Variants in AGBL4 observed in about 807,000 individuals in gnomAD.
The protein encoded by AGBL4 is AGBL carboxypeptidase 4, also known as cytosolic carboxypeptidase 6.
In AGBL4, 58 loss-of-function variants were observed where a neutral mutation model predicts 66.4. The ratio of observed to expected loss-of-function variants is 0.87; its 90% confidence interval spans 0.71 to 1.09. The LOEUF (loss-of-function observed/expected upper bound fraction) is 1.09. AGBL4 is among the 50% of genes least tolerant of loss of function. AGBL4 has a pLI of 0.00. For missense variants in AGBL4, 579 were observed against 631.0 expected, an observed-to-expected ratio of 0.92 and a Z score of 0.88; for synonymous variants, 234 against 222.9, an observed-to-expected ratio of 1.05 and a Z score of -0.44.
intron 6 of AGBL4, among the ~76,000 whole-genome samples, chr1:48,735,242 G>A (rs1454709887): frequency 6.6e-6 from 1 of 152,182 alleles, no homozygotes; most frequent in African/African-American, 2.4e-5. Context: ...TGTCTCTATA[G>A]TTTGTGTTTT....
chr1:48,830,519 C>T (rs771274383), intron 6 of AGBL4, among the ~76,000 whole-genome samples: 2 of 152,162 alleles, frequency 1.3e-5, no homozygotes, highest in African/African-American at 4.8e-5. Context: ...GGGACCAATT[C>T]CCCCGATTTT....
intron 1 of AGBL4, among the ~76,000 whole-genome samples, chr1:49,858,109 T>A (rs1447513025): frequency 6.6e-6 from 1 of 151,690 alleles, no homozygotes; most frequent in East Asian, 1.9e-4. Context: ...CCAAAACATA[T>A]GAAAAAATGC....
chr1:49,070,357 T>A (rs1404377734), intron 4 of AGBL4, among the ~76,000 whole-genome samples: 2 of 151,938 alleles, frequency 1.3e-5, no homozygotes, highest in Non-Finnish European at 2.9e-5. Flanking sequence ...AGTATGATAG[T>A]GCCTGTGGGT....
At chr1:49,015,966 T>C (rs1662790916) in intron 5 of AGBL4, among the ~76,000 whole-genome samples, 1 of 152,156 alleles carries the variant, frequency 6.6e-6, no homozygotes, top group African/African-American at 2.4e-5. Flanking sequence ...AAGTCACATA[T>C]GCCTTCAAGC....
chr1:50,005,532 C>T (rs1661061615), intron 1 of AGBL4, among the ~76,000 whole-genome samples: 1 of 152,090 alleles, frequency 6.6e-6, no homozygotes, highest in African/African-American at 2.4e-5. Context: ...CAAAGAAGGA[C>T]AAGAATAAAC....
At chr1:49,015,040 C>T (rs540755391) in intron 5 of AGBL4, among the ~76,000 whole-genome samples, 90 of 152,286 alleles carry the variant, frequency 5.9e-4, no homozygotes, top group Non-Finnish European at 1.1e-3. Context: ...CTCATAGTCT[C>T]ACTGATGATC....
chr1:48,650,870 A>G (rs1645918561), intron 8 of AGBL4, among the ~76,000 whole-genome samples: 1 of 152,178 alleles, frequency 6.6e-6, no homozygotes, highest in African/African-American at 2.4e-5. Flanking sequence ...CGTATGAATA[A>G]AAGAACATGT....
At chr1:49,389,497 C>G (rs1644803519) in intron 3 of AGBL4, among the ~76,000 whole-genome samples, 1 of 152,128 alleles carries the variant, frequency 6.6e-6, no homozygotes, top group Non-Finnish European at 1.5e-5. Flanking sequence ...AGCTGATAAA[C>G]AGTAGAGCTA....
At chr1:49,793,044 C>T (rs1392236282) in intron 2 of AGBL4, among the ~76,000 whole-genome samples, 6 of 151,832 alleles carry the variant, frequency 4.0e-5, no homozygotes, top group African/African-American at 1.5e-4. Context: ...AAATGACTAC[C>T]ACCTAACCAA....
At chr1:49,738,753 C>G (rs1650132491) in intron 2 of AGBL4, among the ~76,000 whole-genome samples, 1 of 152,190 alleles carries the variant, frequency 6.6e-6, no homozygotes, top group Admixed American at 6.5e-5. Flanking sequence ...TCACCAATAT[C>G]TGCTGTTCTG....
In AGBL4 at chr1:49,648,117, T is replaced by C. The variant is rs148763980; in HGVS notation, c.282+49196A>G. Among the ~76,000 whole-genome samples, 548 of 152,060 alleles carry C rather than the reference T, an allele frequency of 3.6e-3. 5 individuals carry two copies. The highest frequency in any genetic ancestry group is 2.0e-3 in the Non-Finnish European group (138 of 67,966). On this transcript the variant is annotated intron_variant, in intron 3 of 13. Coordinates refer to ENST00000371839, the MANE Select transcript of AGBL4 (RefSeq NM_032785.4). ...ATGTTAAGAATGCTAATGGGTGAAG[T>C]AGACAACATGCAGGGACAGATGGGC... is the stretch of plus-strand genomic sequence containing the variant.
intron 4 of AGBL4, among the ~76,000 whole-genome samples, chr1:49,057,227 C>T (rs72895668): frequency 0.06 from 9,071 of 152,048 alleles, 771 homozygotes; most frequent in African/African-American, 0.2. Context: ...ATGGCAAAAT[C>T]CTGTCTCTAC....
At chr1:49,313,784 T>A (rs900301095) in intron 3 of AGBL4, among the ~76,000 whole-genome samples, 4 of 152,178 alleles carry the variant, frequency 2.6e-5, no homozygotes, top group African/African-American at 9.7e-5. Flanking sequence ...GTCAGATGGA[T>A]AGATTGCAAA....
At chr1:49,774,868 A>G (rs1644157334) in intron 2 of AGBL4, among the ~76,000 whole-genome samples, 1 of 152,198 alleles carries the variant, frequency 6.6e-6, no homozygotes, top group Non-Finnish European at 1.5e-5. Flanking sequence ...TGACTCAGCA[A>G]CACCACTTTT....
intron 5 of AGBL4, among the ~76,000 whole-genome samples, chr1:48,981,418 T>G (rs1659756068): frequency 6.6e-6 from 1 of 152,180 alleles, no homozygotes; most frequent in Admixed American, 6.5e-5. Context: ...TTTCTCCAAT[T>G]TATCCTCATT....
At chr1:49,194,211 A>G (rs895735687) in intron 4 of AGBL4, among the ~76,000 whole-genome samples, 7 of 152,176 alleles carry the variant, frequency 4.6e-5, no homozygotes, top group African/African-American at 1.7e-4. Flanking sequence ...AGGTGCATAT[A>G]TACTTAGGGT....
intron 3 of AGBL4, among the ~76,000 whole-genome samples, chr1:49,535,777 G>A (rs1268586613): frequency 3.3e-5 from 5 of 151,914 alleles, no homozygotes; most frequent in African/African-American, 9.7e-5. Context: ...CTGCAAGCTC[G>A]GCCTCCTGGG....
At chr1:49,824,020 G>A (rs1306210567) in intron 2 of AGBL4, among the ~76,000 whole-genome samples, 1 of 152,086 alleles carries the variant, frequency 6.6e-6, no homozygotes, top group Non-Finnish European at 1.5e-5. Context: ...AGGCCAGCCT[G>A]ACCAACATGG....
intron 4 of AGBL4, among the ~76,000 whole-genome samples, chr1:49,120,007 CT>C (rs1051460213): frequency 6.6e-6 from 1 of 151,816 alleles, no homozygotes; most frequent in East Asian, 1.9e-4. Context: ...GCAACACCTG[CT>C]TTTTTTTGCT....
Sources: allele counts gnomAD v4.1 joint callset (sites outside exome capture counted in the v4.1 genomes callset), GRCh38; gene constraint gnomAD v4.1.1; transcripts MANE v1.5; gene names NCBI Gene and HGNC (gene_info 2026-07-23, HGNC 2026-07-21).